Variants in JAKMIP1 observed in about 807,000 individuals in gnomAD.
JAKMIP1 encodes the protein janus kinase and microtubule-interacting protein 1.
JAKMIP1 carries 33 observed loss-of-function variants against 113.0 expected under a neutral mutation model. That is an observed-to-expected ratio of 0.29 (90% CI 0.22 to 0.39). The LOEUF is 0.39. JAKMIP1 is among the 10% of genes least tolerant of loss of function. The pLI, the probability that JAKMIP1 is intolerant of heterozygous loss-of-function variation, is 1.00. For missense variants in JAKMIP1, 813 were observed against 1,080.5 expected (o/e 0.75, Z 3.47); for synonymous variants, 480 against 459.9 (o/e 1.04, Z -0.56).
rs918509431 is a variant in JAKMIP1 at position 6,093,267 on chromosome 4, A to C, written c.625-7638T>G. 6.6e-5 allele frequency among the ~76,000 whole-genome samples: 10 copies of C among 152,276 alleles called. No individual in the cohort carries two copies. Among genetic ancestry groups the C allele is most frequent in the African/African-American group, 2.4e-4 (10 of 41,564 alleles). On this transcript the variant is annotated intron_variant, in intron 3 of 20. Coordinates refer to ENST00000409021, the MANE Select transcript of JAKMIP1 (RefSeq NM_001099433.2). This position sits in a 1 kb window ranked among gnomAD's most constrained non-coding sequence, Gnocchi z 4.6. Reference sequence around the variant, plus strand: ...GTCCTATTACCAAACCGTCCTGCTCACACTAGAATAATCTGCTCACACTCC... The same window carrying C: ...GTCCTATTACCAAACCGTCCTGCTCCCACTAGAATAATCTGCTCACACTCC...
At chr4:6,119,751 A>C (rs1011051723) in intron 1 of JAKMIP1, among the ~76,000 whole-genome samples, 3 of 152,198 alleles carry the variant, frequency 2.0e-5, no homozygotes, top group African/African-American at 7.2e-5. Context: ...CTACAGTCAC[A>C]ATTCACAACC....
rs534755855 is a variant in JAKMIP1 at position 6,129,399 on chromosome 4, C to A, written c.-147-16402G>T. On this transcript the variant is annotated intron_variant, in intron 1 of 20. Coordinates refer to ENST00000409021, the MANE Select transcript of JAKMIP1 (RefSeq NM_001099433.2). The surrounding 1 kb of genome is among the most constrained non-coding windows in gnomAD (Gnocchi z 5.4). ...TGACCATTAAGGGTCCTTGGCCTTGCTCTTGGATAAACAAAGCCATGAGTG... is the reference window on the plus strand; with the variant it reads ...TGACCATTAAGGGTCCTTGGCCTTGATCTTGGATAAACAAAGCCATGAGTG... Among the ~76,000 whole-genome samples the A allele has an allele frequency of 6.6e-6, 1 of 152,326 alleles. No individual in the cohort carries two copies. Among genetic ancestry groups the A allele is most frequent in the East Asian group, 1.9e-4 (1 of 5,184 alleles).
At chr4:6,166,236 T>C (rs371382765) in intron 1 of JAKMIP1, among the ~76,000 whole-genome samples, 2 of 152,336 alleles carry the variant, frequency 1.3e-5, no homozygotes, top group African/African-American at 4.8e-5. Flanking sequence ...AGCCAACCTA[T>C]CTGAACCCTG....
chr4:6,164,284 TG>T (rs1405273669), intron 1 of JAKMIP1, among the ~76,000 whole-genome samples: 1 of 152,222 alleles, frequency 6.6e-6, no homozygotes, highest in African/African-American at 2.4e-5. Flanking sequence ...CCTAGGGCCC[TG>T]TGCTCTAAAA....
intron 1 of JAKMIP1, among the ~76,000 whole-genome samples, chr4:6,115,753 A>T (rs1473078390): frequency 6.6e-6 from 1 of 152,266 alleles, no homozygotes; most frequent in Non-Finnish European, 1.5e-5. Context: ...ATCTGCAATT[A>T]GCCAGGAAGG....
At position 6,045,128 on chromosome 4, in the gene JAKMIP1, G is replaced by A. The variant is rs535527882; in HGVS notation, c.2029-2901C>T. The stretch of plus-strand genomic sequence containing the variant: ...CCCTCCCTTTGGGGATGGTCCCAAG[G>A]CTTCGACTCACGGCCAACTATTAGA... On this transcript the variant is annotated intron_variant, in intron 16 of 20. Transcript: ENST00000409021. Among the ~76,000 whole-genome samples the A allele has an allele frequency of 1.6e-4, 25 of 152,356 alleles. No individual in the cohort carries two copies. The South Asian group carries it at 2.7e-3, about 16-fold the overall frequency.
chr4:6,051,022 A>G lies in JAKMIP1; in HGVS notation c.1807-343T>C, dbSNP rs1027697504. On this transcript the variant is annotated intron_variant, in intron 13 of 20. Transcript: ENST00000409021. The surrounding 1 kb of genome is among the most constrained non-coding windows in gnomAD (Gnocchi z 5.0). ...GCACTAAATTTGAATAGACAGCAAAAGCCACCAACTATGGTTTATTACTCT... is the reference window on the plus strand; with the variant it reads ...GCACTAAATTTGAATAGACAGCAAAGGCCACCAACTATGGTTTATTACTCT... 6.6e-6 allele frequency among the ~76,000 whole-genome samples: 1 copy of G among 152,212 alleles called. No homozygotes were observed. Among genetic ancestry groups the G allele is most frequent in the Non-Finnish European group, 1.5e-5 (1 of 68,042 alleles).
chr4:6,044,106 G>T lies in JAKMIP1; in HGVS notation c.2029-1879C>A, dbSNP rs1323026759. 6.6e-6 allele frequency among the ~76,000 whole-genome samples: 1 copy of T among 151,938 alleles called. No homozygotes were observed. The highest frequency in any genetic ancestry group is 1.5e-5 in the Non-Finnish European group (1 of 68,002). ...TCACCTCCTCCAGGAAGCCTACCCT[G>T]CTTGAGTCCGTGGGGTCAGCTAACC... On this transcript the variant is annotated intron_variant, in intron 16 of 20. Transcript: ENST00000409021. This position sits in a 1 kb window ranked among gnomAD's most constrained non-coding sequence, Gnocchi z 4.4.
intron 1 of JAKMIP1, among the ~76,000 whole-genome samples, chr4:6,118,763 A>G (rs1256654782): frequency 6.6e-6 from 1 of 152,148 alleles, no homozygotes; most frequent in Non-Finnish European, 1.5e-5. Flanking sequence ...GTTGGCCAAC[A>G]TGGGCCAGCT....
In JAKMIP1 at chr4:6,197,123, G is replaced by C. The variant is rs570945325; in HGVS notation, c.-148+3130C>G. ...AGGCAGAAGCGGGAGGTTAAGTGCT[G>C]ATATTTCCTTACGTGGCCCTCATTC... On this transcript the variant is annotated intron_variant, in intron 1 of 20. Transcript: ENST00000409021. This position sits in a 1 kb window ranked among gnomAD's most constrained non-coding sequence, Gnocchi z 6.5. Among the ~76,000 whole-genome samples the C allele has an allele frequency of 6.6e-6, 1 of 152,302 alleles. No individual in the cohort carries two copies. The highest frequency in any genetic ancestry group is 2.4e-5 in the African/African-American group (1 of 41,552).
intron 19 of JAKMIP1, among the ~76,000 whole-genome samples, chr4:6,030,538 C>T (rs1259980951): frequency 6.6e-6 from 1 of 152,186 alleles, no homozygotes; most frequent in African/African-American, 2.4e-5. Flanking sequence ...GTGAACTCCC[C>T]CGTTTCCAGA....
At position 6,199,476 on chromosome 4, in the gene JAKMIP1, G is replaced by C. The variant is rs1728208796; in HGVS notation, c.-148+777C>G. On this transcript the variant is annotated intron_variant, in intron 1 of 20. Transcript: ENST00000409021. The surrounding 1 kb of genome is among the most constrained non-coding windows in gnomAD (Gnocchi z 5.6). The stretch of plus-strand genomic sequence containing the variant: ...CTGACGCAGGCCAGCGAGGCCGCTG[G>C]CCCCGACGCAGGGCGCCCGGCAAGG... 6.6e-6 allele frequency among the ~76,000 whole-genome samples: 1 copy of C among 152,192 alleles called. No homozygotes were observed. Among genetic ancestry groups the C allele is most frequent in the Non-Finnish European group, 1.5e-5 (1 of 68,012 alleles).
intron 11 of JAKMIP1, among the ~76,000 whole-genome samples, chr4:6,056,974 A>G (rs16838138): frequency 0.32 from 48,630 of 152,104 alleles, 13,019 homozygotes; most frequent in African/African-American, 0.74. Flanking sequence ...CTTCGTTCAC[A>G]TTCCCAAAAG....
rs1409811808 is a variant in JAKMIP1, at chr4:6,050,528, G to A, written c.1908+50C>T. The A allele has an allele frequency of 7.5e-7, 1 of 1,329,638 alleles. No individual in the cohort carries two copies. Among genetic ancestry groups the A allele is most frequent in the Non-Finnish European group, 1.1e-6 (1 of 947,022 alleles). The allele number at this position is 1,329,638 out of a possible 1,614,324, so 82.4% of individuals were successfully genotyped here. A position where few individuals can be genotyped will look rare whatever the true frequency, so the allele number is the denominator to read the frequency against. On this transcript the variant is annotated intron_variant, in intron 14 of 20. Transcript: ENST00000409021. This position sits in a 1 kb window ranked among gnomAD's most constrained non-coding sequence, Gnocchi z 7.4. ...CCCCTTTGCAGCTGAGCCGGGCACTGAGCGAGCCCTTGGCTGGCATTCAGC... is the reference window on the plus strand; with the variant it reads ...CCCCTTTGCAGCTGAGCCGGGCACTAAGCGAGCCCTTGGCTGGCATTCAGC...
Position 6,105,700 on chromosome 4 carries a change from G to T in JAKMIP1, c.397C>A (p.Leu133Met), listed in dbSNP as rs767577164. 1.4e-5 allele frequency: 22 copies of T among 1,603,662 alleles called. No homozygotes were observed. Among genetic ancestry groups the T allele is most frequent in the Non-Finnish European group, 1.9e-5 (22 of 1,178,118 alleles). ...GAADKVKTALLTEAREEARRA... is the reference protein window; with the variant it reads ...GAADKVKTALMTEAREEARRA... ...CGCGCCTCCTCGCGCGCCTCGGTCA[G>T]CAGCGCCGTCTTGACCTTGTCGGCC... The change falls in exon 3 of 21, where the codon CTG becomes ATG. Residue 133 changes from leucine (L) to methionine (M), a missense_variant. Coordinates refer to ENST00000409021, the MANE Select transcript of JAKMIP1 (RefSeq NM_001099433.2).
rs778737414 is a variant in JAKMIP1, at chr4:6,105,814, G to T, written c.283C>A (p.His95Asn). Residue 95 changes from histidine (H) to asparagine (N), a missense_variant, in exon 3 of 21, where the codon CAC (histidine) becomes AAC (asparagine). Physicochemically the swap from His to Asn is moderately conservative, Grantham distance 68 (BLOSUM62 1). Transcript: ENST00000409021. ...GCGGTGCGCGCCGCCTCCTGCTCGT[G>T]CTGCCGGATGAGCCCCTCGCGCAGC... is the stretch of plus-strand genomic sequence containing the variant. ...QALREGLIRQ[H>N]EQEAARTAKI... is the part of the protein sequence containing the mutation. The T allele has an allele frequency of 5.6e-6, 9 of 1,610,136 alleles. No individual in the cohort carries two copies. The highest frequency in any genetic ancestry group is 7.6e-6 in the Non-Finnish European group (9 of 1,179,756).
chr4:6,162,038 C>T lies in JAKMIP1; in HGVS notation c.-148+38215G>A, dbSNP rs1560300146. On this transcript the variant is annotated intron_variant, in intron 1 of 20. Transcript: ENST00000409021. The surrounding 1 kb of genome is among the most constrained non-coding windows in gnomAD (Gnocchi z 5.6). Reference sequence around the variant, plus strand: ...ATGGTGCCTCCTTGATGGAGCCGAGCAGGAAGGAAAGGGGTGGATTGCACA... The same window carrying T: ...ATGGTGCCTCCTTGATGGAGCCGAGTAGGAAGGAAAGGGGTGGATTGCACA... Among the ~76,000 whole-genome samples the T allele has an allele frequency of 6.6e-6, 1 of 150,954 alleles. No homozygotes were observed. The highest frequency in any genetic ancestry group is 1.5e-5 in the Non-Finnish European group (1 of 68,020).
At chr4:6,072,772 T>C (rs1326026844) in intron 8 of JAKMIP1, among the ~76,000 whole-genome samples, 1 of 151,666 alleles carries the variant, frequency 6.6e-6, no homozygotes, top group African/African-American at 2.4e-5. Context: ...AAGGAAAAAA[T>C]GGGTAGCTTT....
chr4:6,190,205 G>T (rs1047721392), intron 1 of JAKMIP1, among the ~76,000 whole-genome samples: 2 of 152,146 alleles, frequency 1.3e-5, no homozygotes, highest in African/African-American at 2.4e-5. Flanking sequence ...CAGGCCATGG[G>T]GGGGGCTGCA....
Sources: gnomAD v4.1 joint callset for allele counts (sites outside exome capture counted in the v4.1 genomes callset) on GRCh38, gnomAD v4.1.1 for gene constraint, Gnocchi (gnomAD v3.1) non-coding constraint, MANE v1.5 for transcripts, NCBI Gene and HGNC (gene_info 2026-07-23, HGNC 2026-07-21) for gene names.